Variants in CCSER2 observed in about 807,000 individuals in gnomAD.
CCSER2 encodes serine-rich coiled-coil domain-containing protein 2.
CCSER2 carries 46 observed loss-of-function variants against 92.3 expected under a neutral mutation model. The ratio of observed to expected loss-of-function variants is 0.50; its 90% CI spans 0.39 to 0.64. The LOEUF (loss-of-function observed/expected upper bound fraction) is 0.64. Ranked by LOEUF, CCSER2 falls within the 30% of genes least tolerant of loss-of-function variation. The pLI is 0.00. For missense variants in CCSER2, 1,244 were observed against 1,238.9 expected (o/e 1.00, Z -0.06); for synonymous variants, 433 against 431.4 (o/e 1.00, Z -0.04).
At chr10:84,471,370 C>G (rs1281106300) in intron 8 of CCSER2, among the ~76,000 whole-genome samples, 1 of 151,926 alleles carries the variant, frequency 6.6e-6, no homozygotes, top group Non-Finnish European at 1.5e-5. Context: ...TGTTTGTGTT[C>G]AAAGCCAAAG....
intron 1 of CCSER2, among the ~76,000 whole-genome samples, chr10:84,329,672 G>A (rs1043281953): frequency 6.6e-6 from 1 of 152,030 alleles, no homozygotes; most frequent in African/African-American, 2.4e-5. Context: ...TCATCTTTTA[G>A]ACTAGAGACT....
intron 9 of CCSER2, among the ~76,000 whole-genome samples, chr10:84,483,221 C>T (rs1002288141): frequency 1.1e-4 from 17 of 151,980 alleles, no homozygotes; most frequent in African/African-American, 3.4e-4. Context: ...GGAGAAACCC[C>T]GTCTCTACTA....
chr10:84,499,832 C>T (rs1314364812), intron 9 of CCSER2: 9 of 1,602,524 alleles, frequency 5.6e-6, no homozygotes, highest in Admixed American at 3.4e-5. Flanking sequence ...TTTTTTGGTT[C>T]CCTTTTTTAT....
chr10:84,410,549 C>T (rs1842597175), intron 3 of CCSER2, among the ~76,000 whole-genome samples: 1 of 152,162 alleles, frequency 6.6e-6, no homozygotes, highest in Non-Finnish European at 1.5e-5. Context: ...TTGTTGGCTG[C>T]ATGTATGTCT....
chr10:84,441,372 A>T (rs540449732), intron 6 of CCSER2, among the ~76,000 whole-genome samples: 28 of 152,108 alleles, frequency 1.8e-4, no homozygotes, highest in African/African-American at 6.3e-4. Context: ...ATATCATTCA[A>T]CTGTTTTTTC....
chr10:84,331,207 T>C (rs1260129648), intron 1 of CCSER2, among the ~76,000 whole-genome samples: 4 of 152,180 alleles, frequency 2.6e-5, no homozygotes, highest in Admixed American at 6.5e-5. Context: ...GACCTCATCA[T>C]TGTGTGTTTT....
intron 3 of CCSER2, among the ~76,000 whole-genome samples, chr10:84,398,319 C>T (rs1841949068): frequency 6.6e-6 from 1 of 152,160 alleles, no homozygotes; most frequent in Non-Finnish European, 1.5e-5. Flanking sequence ...TCAGATAATC[C>T]AGGATAATAC....
At chr10:84,378,432 A>ATTTTTTTTTTT (rs386371982) in intron 3 of CCSER2, among the ~76,000 whole-genome samples, 2 of 135,938 alleles carry the variant, frequency 1.5e-5, no homozygotes, top group Admixed American at 7.9e-5. Flanking sequence ...TTAAAATTAA[A>ATTTTTTTTTTT]TTTTTTTTTT....
At chr10:84,353,628 A>T (rs1017779199) in intron 1 of CCSER2, among the ~76,000 whole-genome samples, 1 of 152,114 alleles carries the variant, frequency 6.6e-6, no homozygotes, top group Non-Finnish European at 1.5e-5. Flanking sequence ...AGGTGGGTGA[A>T]TGGGGCCTGC....
chr10:84,478,159 C>T (rs1483975529), intron 9 of CCSER2, among the ~76,000 whole-genome samples: 2 of 152,126 alleles, frequency 1.3e-5, no homozygotes, highest in Non-Finnish European at 2.9e-5. Context: ...TTAGGCAGAA[C>T]TAGGGAATGG....
rs1477667520 is a variant in CCSER2 at position 84,373,679 on chromosome 10, A to G, written c.1478A>G (p.Tyr493Cys). The G allele has an allele frequency of 1.9e-6, 3 of 1,613,590 alleles. No homozygotes were observed. Among genetic ancestry groups the G allele is most frequent in the African/African-American group, 1.3e-5 (1 of 75,024 alleles). ...AATTTGGTTTCACCAGATACAGACT[A>G]CAGAGCTGGTTCTTCGTTTGAACTC... ...GNNLVSPDTD[Y>C]RAGSSFELSP... The change falls in exon 3 of 10, where the codon TAC (tyrosine) becomes TGC (cysteine). Residue 493 changes from tyrosine to cysteine, a missense_variant. Transcript: ENST00000372088.
At chr10:84,339,362 A>G (rs111388461) in intron 1 of CCSER2, among the ~76,000 whole-genome samples, 16 of 152,028 alleles carry the variant, frequency 1.1e-4, no homozygotes, top group African/African-American at 3.9e-4. Context: ...CAGAGTAAAG[A>G]TCAGATTTTT....
chr10:84,434,953 G>C (rs890199707), intron 5 of CCSER2, among the ~76,000 whole-genome samples: 4 of 152,100 alleles, frequency 2.6e-5, no homozygotes, highest in Non-Finnish European at 4.4e-5. Context: ...AATCCAATTA[G>C]AGTTGAAAAG....
intron 3 of CCSER2, among the ~76,000 whole-genome samples, chr10:84,386,979 TG>T (rs1841248477): frequency 6.6e-6 from 1 of 152,024 alleles, no homozygotes; most frequent in Non-Finnish European, 1.5e-5. Flanking sequence ...AATTACCTAT[TG>T]GGTACAGTGT....
At chr10:84,488,449 T>A (rs985766196) in intron 9 of CCSER2, among the ~76,000 whole-genome samples, 7 of 152,234 alleles carry the variant, frequency 4.6e-5, no homozygotes, top group Non-Finnish European at 8.8e-5. Context: ...GGATTCAAGT[T>A]CTTCCTGGTT....
chr10:84,344,038 C>A (rs1205879047), intron 1 of CCSER2, among the ~76,000 whole-genome samples: 3 of 152,172 alleles, frequency 2.0e-5, no homozygotes, highest in Admixed American at 6.5e-5. Context: ...TATGCTGATG[C>A]TTGAGATGTG....
Position 84,513,855 on chromosome 10 carries a change from T to G in CCSER2, c.2732T>G (p.Val911Gly), listed in dbSNP as rs1163727149. 31 of 1,536,160 alleles carry G rather than the reference T, an allele frequency of 2.0e-5. No homozygotes were observed. The highest frequency in any genetic ancestry group is 2.7e-5 in the Non-Finnish European group (31 of 1,146,942). The change falls in exon 10 of 10, where the codon GTG (valine) becomes GGG (glycine). Residue 911 changes from valine (V) to glycine (G), a missense_variant. Physicochemically the swap from Val to Gly is moderately radical, Grantham distance 109. Coordinates refer to ENST00000372088, the MANE Select transcript of CCSER2 (RefSeq NM_001284240.2). ...GTTGGAAGAAATCAGTCTCCGCCAG[T>G]GGGTTATATGTCTCAGCCCAAGTCC... ...KRVGRNQSPP[V>G]GYMSQPKSLQ...
chr10:84,358,466 T>TCA (rs1263124437), intron 1 of CCSER2, among the ~76,000 whole-genome samples: 4 of 152,004 alleles, frequency 2.6e-5, no homozygotes, highest in African/African-American at 7.2e-5. Context: ...CCATTAATGT[T>TCA]CCTCTAGCTC....
chr10:84,390,834 G>A, intron 3 of CCSER2: 1 of 533,922 alleles, frequency 1.9e-6, no homozygotes, highest in Non-Finnish European at 3.5e-6. Flanking sequence ...AGATGATCTT[G>A]GACATCTTAA....
Sources: allele counts gnomAD v4.1 joint callset (sites outside exome capture counted in the v4.1 genomes callset), GRCh38; gene constraint gnomAD v4.1.1; transcripts MANE v1.5; gene names NCBI Gene and HGNC (gene_info 2026-07-23, HGNC 2026-07-21).